Variants in EFCAB6 observed in about 807,000 individuals in gnomAD.
EFCAB6 encodes the protein EF-hand calcium binding domain 6, also known as EF-hand calcium-binding domain-containing protein 6.
A neutral mutation model predicts 169.8 loss-of-function variants in EFCAB6; 156 were observed. The ratio of observed to expected loss-of-function variants is 0.92; its 90% CI spans 0.81 to 1.05. EFCAB6 has a LOEUF of 1.05. Among genes scored for constraint, EFCAB6 ranks in the 50% least tolerant of loss-of-function variants. The probability of loss-of-function intolerance (pLI) is 0.00; values close to 1 mark genes in which losing one functional copy is unlikely to be tolerated. For missense variants in EFCAB6, 1,800 were observed against 1,829.1 expected (o/e 0.98, Z 0.29); for synonymous variants, 698 against 676.4 (o/e 1.03, Z -0.50).
At chr22:43,797,888 A>AT (rs1441256005) in intron 2 of EFCAB6, among the ~76,000 whole-genome samples, 3 of 152,002 alleles carry the variant, frequency 2.0e-5, no homozygotes, top group Middle Eastern at 3.4e-3. Context: ...CAAGCAAGAG[A>AT]TTTTTTCTCT....
At position 43,731,805 on chromosome 22, in the gene EFCAB6, C is replaced by T. The variant is rs768973620; in HGVS notation, c.651G>A (p.Ser217=). Residue 217 remains serine (S), a synonymous_variant, in exon 8 of 32, where the codon TCG becomes TCA. Coordinates refer to ENST00000262726, the MANE Select transcript of EFCAB6 (RefSeq NM_022785.4). The part of the protein sequence containing the change: ...KLRDEEYEKF[S]KHYNIHKDTA... ...TATCCTTGTGGATGTTGTAGTGTTTCGAAAACCTAAAATACAAATGTTCTT... is the reference window on the plus strand; with the variant it reads ...TATCCTTGTGGATGTTGTAGTGTTTTGAAAACCTAAAATACAAATGTTCTT... 5.8e-6 allele frequency: 9 copies of T among 1,560,958 alleles called. No individual in the cohort carries two copies. The highest frequency in any genetic ancestry group is 4.1e-5 in the Admixed American group (2 of 48,344).
At chr22:43,607,609 T>C (rs913386088) in intron 22 of EFCAB6, among the ~76,000 whole-genome samples, 1 of 152,212 alleles carries the variant, frequency 6.6e-6, no homozygotes, top group Non-Finnish European at 1.5e-5. Flanking sequence ...GAACTTCCAG[T>C]TGCTTTTCTA....
intron 24 of EFCAB6, among the ~76,000 whole-genome samples, chr22:43,580,895 C>T (rs559616684): frequency 1.3e-5 from 2 of 152,298 alleles, no homozygotes; most frequent in African/African-American, 2.4e-5. Context: ...CACTGACGGC[C>T]GGAGGGCCAC....
Position 43,735,901 on chromosome 22 carries a change from A to G in EFCAB6, c.600T>C (p.Val200=). The change falls in exon 7 of 32, where the codon GTT becomes GTC. Residue 200 remains valine, a synonymous_variant. Coordinates refer to ENST00000262726, the MANE Select transcript of EFCAB6 (RefSeq NM_022785.4). The part of the protein sequence containing the change: ...GLVRPQELRR[V]LETFCMKLRD... ...TTAACTTCATACAGAAGGTCTCCAG[A>G]ACCCTTCTTAGCTCCTGCGGTCGAA... 1.2e-6 allele frequency: 2 copies of G among 1,614,132 alleles called. No individual in the cohort carries two copies. Among genetic ancestry groups the G allele is most frequent in the Non-Finnish European group, 1.7e-6 (2 of 1,180,018 alleles).
At chr22:43,684,654 C>T (rs2058122372) in intron 11 of EFCAB6, among the ~76,000 whole-genome samples, 1 of 152,218 alleles carries the variant, frequency 6.6e-6, no homozygotes, top group South Asian at 2.1e-4. Flanking sequence ...TAGCTTCTTC[C>T]GTTTGTGCAG....
At position 43,691,584 on chromosome 22, in the gene EFCAB6, C is replaced by G. The variant is rs553431903; in HGVS notation, c.1032-4003G>C. 1.6e-4 allele frequency among the ~76,000 whole-genome samples: 24 copies of G among 152,138 alleles called. No homozygotes were observed. In the South Asian group the frequency reaches 3.7e-3, roughly 24 times the overall value. ...AAAACTTAAGAAATCTCAAACTTAC[C>G]TATTTAATTACATCAAAATATAAGA... On this transcript the variant is annotated intron_variant, in intron 10 of 31. Transcript: ENST00000262726.
chr22:43,535,023 T>A (rs562608771), intron 29 of EFCAB6, 151 bp from the exon 30 acceptor site: 1 of 750,960 alleles, frequency 1.3e-6, no homozygotes, highest in South Asian at 1.9e-5. Context: ...GCTGGACATA[T>A]GTGGAGACAG....
intron 17 of EFCAB6, among the ~76,000 whole-genome samples, chr22:43,639,497 T>C (rs1000873362): frequency 1.1e-4 from 16 of 152,220 alleles, no homozygotes; most frequent in Non-Finnish European, 2.2e-4. Context: ...ACCTCCTCCA[T>C]TGTTTCTGGT....
intron 9 of EFCAB6, 90 bp downstream of exon 9, chr22:43,716,758 A>G: frequency 6.9e-7 from 1 of 1,449,094 alleles, no homozygotes; most frequent in Non-Finnish European, 9.1e-7. Flanking sequence ...AACAAATTTT[A>G]GAAATAATGT....
intron 10 of EFCAB6, among the ~76,000 whole-genome samples, chr22:43,705,309 G>A (rs1407414716): frequency 2.6e-5 from 4 of 151,966 alleles, no homozygotes; most frequent in African/African-American, 9.7e-5. Context: ...TTTCAATAAT[G>A]GACAGATCAT....
intron 17 of EFCAB6, among the ~76,000 whole-genome samples, chr22:43,649,775 G>A (rs1312307913): frequency 6.6e-6 from 1 of 152,160 alleles, no homozygotes; most frequent in Non-Finnish European, 1.5e-5. Flanking sequence ...AGGCAACCAG[G>A]ACCCAGAGGG....
In EFCAB6 at chr22:43,635,218, TGAC is replaced by T; in HGVS notation, c.1984-5_1984-3del. ...GGGCATCCCAGTGTCTTCCAGTACC[TGAC>T]GAGGGAGACAGGGGAGGGTGGAGAG... On this transcript the variant is annotated splice_region_variant and splice_polypyrimidine_tract_variant and intron_variant, in intron 17 of 31. Coordinates refer to ENST00000262726, the MANE Select transcript of EFCAB6 (RefSeq NM_022785.4). 8 of 1,611,160 alleles carry T rather than the reference TGAC, an allele frequency of 5.0e-6. No homozygotes were observed. The highest frequency in any genetic ancestry group is 6.8e-6 in the Non-Finnish European group (8 of 1,177,352).
chr22:43,772,158 A>G (rs1472190659), intron 4 of EFCAB6, among the ~76,000 whole-genome samples: 1 of 152,180 alleles, frequency 6.6e-6, no homozygotes, highest in African/African-American at 2.4e-5. Flanking sequence ...ACACTCCGTA[A>G]GTGTCTCACT....
At chr22:43,793,769 C>T (rs781459963) in intron 2 of EFCAB6, among the ~76,000 whole-genome samples, 12 of 142,878 alleles carry the variant, frequency 8.4e-5, no homozygotes, top group Non-Finnish European at 1.4e-4. Context: ...TCTATCTCCA[C>T]GGTCAGATTA....
At chr22:43,564,470 A>G (rs548617118) in intron 26 of EFCAB6, among the ~76,000 whole-genome samples, 9 of 151,918 alleles carry the variant, frequency 5.9e-5, no homozygotes, top group African/African-American at 2.2e-4. Flanking sequence ...AAAAAAAAAA[A>G]AAGAAGGTGC....
chr22:43,551,668 C>T (rs988656846), intron 27 of EFCAB6, among the ~76,000 whole-genome samples: 5 of 152,072 alleles, frequency 3.3e-5, no homozygotes, highest in Non-Finnish European at 7.4e-5. Flanking sequence ...CCCTCCTCCC[C>T]GACCTCAACA....
intron 23 of EFCAB6, among the ~76,000 whole-genome samples, chr22:43,596,031 T>C (rs1247425891): frequency 6.6e-6 from 1 of 152,180 alleles, no homozygotes; most frequent in East Asian, 1.9e-4. Flanking sequence ...AAAAAGCATT[T>C]TATAAAATTC....
chr22:43,594,040 C>T (rs939774767), intron 23 of EFCAB6, among the ~76,000 whole-genome samples: 2 of 151,970 alleles, frequency 1.3e-5, no homozygotes, highest in African/African-American at 4.8e-5. Flanking sequence ...CTTTGGGAGG[C>T]CGAGGTGGGC....
chr22:43,808,388 C>T (rs1433384929), intron 2 of EFCAB6, among the ~76,000 whole-genome samples: 1 of 152,188 alleles, frequency 6.6e-6, no homozygotes, highest in African/African-American at 2.4e-5. Context: ...GTATTCTTAA[C>T]ATGGAATCGC....
Sources: allele counts gnomAD v4.1 joint callset (sites outside exome capture counted in the v4.1 genomes callset), GRCh38; gene constraint gnomAD v4.1.1; transcripts MANE v1.5; gene names NCBI Gene and HGNC (gene_info 2026-07-23, HGNC 2026-07-21).